The following HPSE2 variants were observed in gnomAD, a reference collection of about 807,000 sequenced individuals.
The protein encoded by HPSE2 is heparanase 2 (inactive), also known as inactive heparanase-2.
A neutral mutation model predicts 60.5 loss-of-function variants in HPSE2; 38 were observed. The observed-to-expected ratio is 0.63, with a 90% CI of 0.48 to 0.82. HPSE2 has a LOEUF of 0.82. Ranked by LOEUF, HPSE2 falls within the 40% of genes least tolerant of loss-of-function variation. The probability of loss-of-function intolerance (pLI) is 0.00; values close to 1 mark genes in which losing one functional copy is unlikely to be tolerated. For missense variants in HPSE2, 713 were observed against 740.4 expected (o/e 0.96, Z 0.43); for synonymous variants, 295 against 293.2 (o/e 1.01, Z -0.06).
the HPSE2 span, among the ~76,000 whole-genome samples, chr10:99,305,979 G>GCGCGCACACACACACACACACACACA: frequency 9.6e-4 from 77 of 80,550 alleles, no homozygotes; most frequent in African/African-American, 2.8e-3. Context: ...GCGCGCGCGC[G>GCGCGCACACACACACACACACACACA]CACACACACA....
the HPSE2 span, among the ~76,000 whole-genome samples, chr10:99,284,742 G>A: frequency 5.3e-5 from 8 of 152,124 alleles, no homozygotes; most frequent in Non-Finnish European, 8.8e-5. Flanking sequence ...TTGTTACATA[G>A]GTAAACTTGT....
the HPSE2 span, among the ~76,000 whole-genome samples, chr10:99,279,102 G>A: frequency 6.6e-6 from 1 of 151,152 alleles, no homozygotes. Context: ...TTTATCATCA[G>A]AAAAAAAAAA....
At chr10:98,750,282 T>C (rs1949729640) in intron 3 of HPSE2, among the ~76,000 whole-genome samples, 1 of 151,876 alleles carries the variant, frequency 6.6e-6, no homozygotes. Flanking sequence ...TGCCCCAGAA[T>C]GAATGAGAGG....
At chr10:99,105,644 A>G (rs917505006) in intron 3 of HPSE2, among the ~76,000 whole-genome samples, 5 of 151,826 alleles carry the variant, frequency 3.3e-5, no homozygotes, top group African/African-American at 1.2e-4. Context: ...GGTTAAATTT[A>G]TCATTTTTCT....
chr10:99,106,344 T>C (rs1222513795), intron 3 of HPSE2, among the ~76,000 whole-genome samples: 2 of 152,134 alleles, frequency 1.3e-5, no homozygotes, highest in Non-Finnish European at 2.9e-5. Flanking sequence ...AGATGCCCTT[T>C]ATCAGAATGA....
At chr10:98,537,811 T>C (rs1251155084) in intron 9 of HPSE2, among the ~76,000 whole-genome samples, 1 of 152,216 alleles carries the variant, frequency 6.6e-6, no homozygotes, top group Non-Finnish European at 1.5e-5. Flanking sequence ...CCTGCAGTCA[T>C]CCGGAGGCCT....
At chr10:98,598,755 G>T (rs1216565810) in intron 9 of HPSE2, among the ~76,000 whole-genome samples, 1 of 152,038 alleles carries the variant, frequency 6.6e-6, no homozygotes, top group Non-Finnish European at 1.5e-5. Flanking sequence ...TGGGTCAACT[G>T]GAGTCTGGTG....
intron 3 of HPSE2, among the ~76,000 whole-genome samples, chr10:98,904,153 ACTTT>A (rs902662739): frequency 6.6e-6 from 1 of 152,178 alleles, no homozygotes; most frequent in African/African-American, 2.4e-5. Flanking sequence ...TGATTTGTTA[ACTTT>A]CTTTGTAAAT....
At chr10:98,487,035 C>G (rs372885146) in intron 10 of HPSE2, among the ~76,000 whole-genome samples, 31 of 152,094 alleles carry the variant, frequency 2.0e-4, no homozygotes, top group African/African-American at 5.8e-4. Context: ...TGAACTTGAA[C>G]CCCAAAAGGC....
At chr10:99,265,385 T>A in the HPSE2 span, among the ~76,000 whole-genome samples, 5 of 152,120 alleles carry the variant, frequency 3.3e-5, no homozygotes, top group East Asian at 9.7e-4. Context: ...TGCATGACAA[T>A]GAGAATGCAC....
chr10:98,806,576 C>T (rs549332208), intron 3 of HPSE2, among the ~76,000 whole-genome samples: 11 of 152,202 alleles, frequency 7.2e-5, no homozygotes, highest in African/African-American at 2.4e-4. Context: ...AAAAATGTTA[C>T]GTATATTCAA....
At chr10:98,820,856 T>A (rs1242679871) in intron 3 of HPSE2, among the ~76,000 whole-genome samples, 1 of 152,204 alleles carries the variant, frequency 6.6e-6, no homozygotes, top group South Asian at 2.1e-4. Flanking sequence ...ATGTTCTTCA[T>A]GCTGTAGAAG....
intron 9 of HPSE2, among the ~76,000 whole-genome samples, chr10:98,590,415 C>T (rs1187441477): frequency 6.6e-6 from 1 of 152,234 alleles, no homozygotes; most frequent in Non-Finnish European, 1.5e-5. Context: ...TGCACTCCAG[C>T]CTGGGTGGGA....
intron 6 of HPSE2, among the ~76,000 whole-genome samples, chr10:98,657,590 C>T (rs1947108339): frequency 6.6e-6 from 1 of 152,004 alleles, no homozygotes; most frequent in African/African-American, 2.4e-5. Flanking sequence ...GCTTGCCTTG[C>T]TCTCCCAGAG....
chr10:99,290,070 T>C, the HPSE2 span, among the ~76,000 whole-genome samples: 2 of 152,170 alleles, frequency 1.3e-5, no homozygotes, highest in Admixed American at 1.3e-4. Flanking sequence ...CGCCCACTTA[T>C]AGATCTATAA....
chr10:98,928,958 T>C lies in HPSE2; in HGVS notation c.611-184902A>G, dbSNP rs1466983933. ...ACATATGTAACTAACCTGCACATTG[T>C]GCACATGTACCCTAAAACTTAAAGT... On this transcript the variant is annotated intron_variant, in intron 3 of 11. Transcript: ENST00000370552. 2.2e-5 allele frequency among the ~76,000 whole-genome samples: 3 copies of C among 139,398 alleles called. 1 individual carries two copies. The highest frequency in any genetic ancestry group is 9.1e-5 in the African/African-American group (3 of 32,938). The allele number at this position is 139,398 out of a possible 152,430, so 91.5% of individuals were successfully genotyped here. A position where few individuals can be genotyped will look rare whatever the true frequency, so the allele number is the denominator to read the frequency against.
At chr10:98,606,143 A>G (rs1945579576) in intron 9 of HPSE2, among the ~76,000 whole-genome samples, 1 of 152,198 alleles carries the variant, frequency 6.6e-6, no homozygotes, top group African/African-American at 2.4e-5. Context: ...ATTTCATCAG[A>G]ATCTACAAGT....
At chr10:98,988,050 G>C (rs1446522607) in intron 3 of HPSE2, among the ~76,000 whole-genome samples, 1 of 152,116 alleles carries the variant, frequency 6.6e-6, no homozygotes, top group African/African-American at 2.4e-5. Context: ...AATCAATATC[G>C]TGAAAATGGC....
intron 3 of HPSE2, among the ~76,000 whole-genome samples, chr10:98,861,895 A>G (rs138520469): frequency 2.4e-4 from 37 of 152,302 alleles, no homozygotes; most frequent in African/African-American, 8.9e-4. Flanking sequence ...TTACTCCAAG[A>G]TGTCTCATGA....
Sources: gnomAD v4.1 joint callset for allele counts (sites outside exome capture counted in the v4.1 genomes callset) on GRCh38, gnomAD v4.1.1 for gene constraint, MANE v1.5 for transcripts, NCBI Gene and HGNC (gene_info 2026-07-23, HGNC 2026-07-21) for gene names.